The following KCNT2 variants were observed in gnomAD, a reference collection of about 807,000 sequenced individuals.
KCNT2 encodes the protein potassium channel subfamily T member 2.
Under a neutral mutation model 153.8 loss-of-function variants are expected in KCNT2, and 67 were observed. The observed-to-expected ratio is 0.44, with a 90% CI of 0.36 to 0.53. The LOEUF is 0.53. KCNT2 is among the 20% of genes least tolerant of loss of function. The pLI is 0.00. For missense variants in KCNT2, 975 were observed against 1,354.8 expected (o/e 0.72, Z 4.40); for synonymous variants, 500 against 458.8 (o/e 1.09, Z -1.15).
intron 8 of KCNT2, among the ~76,000 whole-genome samples, chr1:196,452,583 T>A (rs1676315591): frequency 6.6e-6 from 1 of 151,966 alleles, no homozygotes; most frequent in Admixed American, 6.6e-5. Context: ...GTCTGCAAAC[T>A]GAAATTTCCT....
Position 196,258,385 on chromosome 1 carries a change from T to A in KCNT2, c.3020A>T (p.His1007Leu). The part of the protein sequence containing the change: ...RNSTSSDQSD[H>L]PLLRRKSMQW... ...CATGCTTTTTCTCCGCAGCAAGGGA[T>A]GGTCCGACTGATCACTGGATGTTGA... is the stretch of plus-strand genomic sequence containing the variant. The change falls in exon 26 of 28, where the codon CAT becomes CTT. Residue 1007 changes from histidine to leucine, a missense_variant. This residue lies in a region of KCNT2 where 241 missense variants were observed against 271.1 expected (regional missense o/e 0.89). Transcript: ENST00000294725. 6.2e-7 allele frequency: 1 copy of A among 1,614,034 alleles called. No individual in the cohort carries two copies. The highest frequency in any genetic ancestry group is 8.5e-7 in the Non-Finnish European group (1 of 1,179,988).
rs954725245 is a variant in KCNT2, at chr1:196,479,589, T to A, written c.325-351A>T. The stretch of plus-strand genomic sequence containing the variant: ...GTGTGTTTCGTTTTAAAATTTTTTT[T>A]AAATAGAAATGGGGTTTTGCAATGT... On this transcript the variant is annotated intron_variant, in intron 4 of 27. Transcript: ENST00000294725. 6.6e-5 allele frequency among the ~76,000 whole-genome samples: 10 copies of A among 152,292 alleles called. No homozygotes were observed. In the South Asian group the frequency reaches 8.3e-4, roughly 13 times the overall value.
intron 1 of KCNT2, chr1:196,582,328 T>G (rs1270380771): frequency 6.6e-6 from 1 of 152,550 alleles, no homozygotes; most frequent in Admixed American, 6.6e-5. Context: ...CTTGGAAGAA[T>G]GCTAGTAAAA....
chr1:196,599,667 C>T (rs1664491636), intron 1 of KCNT2, among the ~76,000 whole-genome samples: 1 of 152,160 alleles, frequency 6.6e-6, no homozygotes. Context: ...TGGAGATGTG[C>T]TGCCAGGCGA....
At chr1:196,456,973 G>A (rs1463953823) in intron 8 of KCNT2, among the ~76,000 whole-genome samples, 1 of 151,824 alleles carries the variant, frequency 6.6e-6, no homozygotes, top group Non-Finnish European at 1.5e-5. Flanking sequence ...TTCCTGAGAG[G>A]AATTCTTTGT....
intron 1 of KCNT2, among the ~76,000 whole-genome samples, chr1:196,606,280 A>G (rs553834093): frequency 6.6e-6 from 1 of 152,340 alleles, no homozygotes; most frequent in East Asian, 1.9e-4. Context: ...GGAAACAGCC[A>G]AGGACTGAAT....
chr1:196,490,317 T>C (rs551512728), intron 2 of KCNT2, among the ~76,000 whole-genome samples: 2 of 151,564 alleles, frequency 1.3e-5, no homozygotes, highest in African/African-American at 2.4e-5. Flanking sequence ...TCTAGCTGCT[T>C]ACAAATTCAC....
rs145822636 is a variant in KCNT2, at chr1:196,452,248, A to T, written c.638+13045T>A. On this transcript the variant is annotated intron_variant, in intron 8 of 27. Transcript: ENST00000294725. ...TAATCCCAGCTACTATCACATTACC[A>T]CTTCATTGCTATAAGCTGCCTTTGA... 2.5e-3 allele frequency among the ~76,000 whole-genome samples: 375 copies of T among 152,090 alleles called. 3 individuals are homozygous for T. Among genetic ancestry groups the T allele is most frequent in the African/African-American group, 8.8e-3 (364 of 41,530 alleles).
intron 8 of KCNT2, among the ~76,000 whole-genome samples, chr1:196,438,612 G>A (rs1433526650): frequency 6.6e-6 from 1 of 151,806 alleles, no homozygotes; most frequent in African/African-American, 2.4e-5. Flanking sequence ...AACTGACAAC[G>A]AATTCTTGGA....
At chr1:196,426,075 T>A in intron 10 of KCNT2, 87 bp from the exon 11 acceptor site, 1 of 1,003,752 alleles carries the variant, frequency 1.0e-6, no homozygotes, top group East Asian at 2.7e-5. Flanking sequence ...AAGAAAAATT[T>A]GAAATATGAT....
At chr1:196,281,940 G>A (rs1256311927) in intron 24 of KCNT2, among the ~76,000 whole-genome samples, 9 of 151,668 alleles carry the variant, frequency 5.9e-5, no homozygotes, top group South Asian at 2.1e-4. Context: ...TAGTGGAGAC[G>A]GGGTTTCACT....
chr1:196,365,134 T>C (rs1667934119), intron 14 of KCNT2, among the ~76,000 whole-genome samples: 1 of 152,104 alleles, frequency 6.6e-6, no homozygotes, highest in Non-Finnish European at 1.5e-5. Flanking sequence ...AATATCCTTG[T>C]AATAATGTGT....
intron 8 of KCNT2, among the ~76,000 whole-genome samples, chr1:196,430,707 A>T (rs966297620): frequency 3.9e-5 from 6 of 152,120 alleles, no homozygotes; most frequent in African/African-American, 1.4e-4. Context: ...GGTGACAGTA[A>T]GAGAGCAGCG....
At chr1:196,485,103 A>C (rs1043674004) in intron 3 of KCNT2, among the ~76,000 whole-genome samples, 1 of 152,088 alleles carries the variant, frequency 6.6e-6, no homozygotes, top group Non-Finnish European at 1.5e-5. Context: ...ACATCATGGA[A>C]TATTATGCAG....
At chr1:196,332,709 A>T (rs1664581051) in intron 17 of KCNT2, among the ~76,000 whole-genome samples, 1 of 151,674 alleles carries the variant, frequency 6.6e-6, no homozygotes, top group Non-Finnish European at 1.5e-5. Flanking sequence ...CTTTTTCTCC[A>T]TTATCTCAAT....
At chr1:196,438,193 G>T (rs1171432196) in intron 8 of KCNT2, among the ~76,000 whole-genome samples, 3 of 151,628 alleles carry the variant, frequency 2.0e-5, no homozygotes, top group East Asian at 3.9e-4. Flanking sequence ...CAGAATGAGA[G>T]AAATAGAATA....
rs949349249 is a variant in KCNT2, at chr1:196,249,153, T to C, written c.3211+9041A>G. Among the ~76,000 whole-genome samples the C allele has an allele frequency of 5.9e-5, 9 of 151,928 alleles. 1 individual carries two copies. The highest frequency in any genetic ancestry group is 5.9e-4 in the Admixed American group (9 of 15,232). ...AAATTGGGTATAGGAGGAACAAACC[T>C]CAACACAATAAAACCATAACAACAG... On this transcript the variant is annotated intron_variant, in intron 26 of 27. Transcript: ENST00000294725.
intron 25 of KCNT2, among the ~76,000 whole-genome samples, chr1:196,269,784 T>C (rs1657898620): frequency 6.6e-6 from 1 of 152,120 alleles, no homozygotes; most frequent in Non-Finnish European, 1.5e-5. Flanking sequence ...ATACAGGTCA[T>C]GCATCTTGCA....
chr1:196,414,023 T>C (rs927117975), intron 12 of KCNT2, among the ~76,000 whole-genome samples: 2 of 151,576 alleles, frequency 1.3e-5, no homozygotes, highest in Non-Finnish European at 3.0e-5. Context: ...TATGTACTTT[T>C]AACAAATAGT....
Sources: allele counts gnomAD v4.1 joint callset (sites outside exome capture counted in the v4.1 genomes callset), GRCh38; gene constraint gnomAD v4.1.1; regional missense constraint gnomAD v4.1.1; transcripts MANE v1.5; gene names NCBI Gene and HGNC (gene_info 2026-07-23, HGNC 2026-07-21).